The following PIGL variants were observed in gnomAD, a reference collection of about 807,000 sequenced individuals.
PIGL encodes the protein N-acetylglucosaminyl-phosphatidylinositol de-N-acetylase.
PIGL carries 22 observed loss-of-function variants against 31.1 expected under a neutral mutation model. That is an observed-to-expected ratio of 0.71 (90% CI 0.51 to 1.01). The LOEUF is 1.01. Ranked by LOEUF, PIGL falls within the 50% of genes least tolerant of loss-of-function variation. PIGL has a pLI of 0.00. For missense variants in PIGL, 302 were observed against 315.9 expected (o/e 0.96, Z 0.33); for synonymous variants, 131 against 117.4 (o/e 1.12, Z -0.75).
At chr17:16,224,799 G>C (rs2092644843) in intron 1 of PIGL, among the ~76,000 whole-genome samples, 1 of 152,068 alleles carries the variant, frequency 6.6e-6, no homozygotes. Flanking sequence ...TGGGACTACG[G>C]GCATGTGCCA....
chr17:16,273,256 T>G (rs952256448), intron 2 of PIGL, among the ~76,000 whole-genome samples: 12 of 152,204 alleles, frequency 7.9e-5, no homozygotes, highest in African/African-American at 2.9e-4. Context: ...GCCTGTGATC[T>G]GAGCTTTAAG....
chr17:16,256,801 C>G (rs1331981899), intron 2 of PIGL, among the ~76,000 whole-genome samples: 3 of 151,970 alleles, frequency 2.0e-5, no homozygotes, highest in Admixed American at 1.3e-4. Context: ...CTCAAGTGAT[C>G]CTCAGCCTCC....
At chr17:16,323,800 G>A (rs1027463506) in intron 6 of PIGL, among the ~76,000 whole-genome samples, 1 of 150,870 alleles carries the variant, frequency 6.6e-6, no homozygotes, top group Non-Finnish European at 1.5e-5. Context: ...TGTATTTTCA[G>A]TAGAGATGGG....
chr17:16,278,940 G>A (rs1039464264), intron 2 of PIGL, among the ~76,000 whole-genome samples: 12 of 152,170 alleles, frequency 7.9e-5, no homozygotes, highest in African/African-American at 1.4e-4. Context: ...CAGACAGGCA[G>A]AATAATATTC....
chr17:16,325,527 C>T (rs2093124010), intron 6 of PIGL, among the ~76,000 whole-genome samples: 1 of 152,058 alleles, frequency 6.6e-6, no homozygotes. Flanking sequence ...TGCATGTGGA[C>T]TGTTCTGCCA....
intron 3 of PIGL, among the ~76,000 whole-genome samples, chr17:16,304,981 GT>G (rs1230974347): frequency 5.3e-5 from 8 of 152,026 alleles, no homozygotes; most frequent in African/African-American, 1.9e-4. Flanking sequence ...CCCCTCCTCA[GT>G]TGTCACAATC....
chr17:16,257,659 TC>T (rs34698708), intron 2 of PIGL, among the ~76,000 whole-genome samples: 81,831 of 150,924 alleles, frequency 0.54, 22,960 homozygotes, highest in African/African-American at 0.67. Flanking sequence ...GTTTTTTTTT[TC>T]CTTTCTTAAT....
Position 16,325,738 on chromosome 17 carries a change from T to C in PIGL, c.661-62T>C, listed in dbSNP as rs1033820637. 43 of 1,241,626 alleles carry C rather than the reference T, an allele frequency of 3.5e-5. No individual in the cohort carries two copies. In the African/African-American group the frequency reaches 5.2e-4, roughly 15 times the overall value. 76.9% of individuals were successfully genotyped at this position (1,241,626 alleles called of 1,614,324 possible). The stretch of plus-strand genomic sequence containing the variant: ...GGATTTAAGGTGCGGAGGCCAGATC[T>C]GAAAGTAATGAAACAACTCCAGTGC... On this transcript the variant is annotated intron_variant, in intron 6 of 6. Transcript: ENST00000225609.
chr17:16,234,760 G>A (rs933221354), intron 2 of PIGL, among the ~76,000 whole-genome samples: 2 of 152,152 alleles, frequency 1.3e-5, no homozygotes, highest in Non-Finnish European at 2.9e-5. Flanking sequence ...GCAAGACTCC[G>A]TCTCAAAAAT....
In PIGL at chr17:16,317,432, G is replaced by T. The variant is rs1396797525; in HGVS notation, c.527-343G>T. 8.7e-6 allele frequency: 9 copies of T among 1,030,734 alleles called. No individual in the cohort carries two copies. In the East Asian group the frequency reaches 6.7e-4, roughly 77 times the overall value. The allele number at this position is 1,030,734 out of a possible 1,614,324, so 63.8% of individuals were successfully genotyped here. A position where few individuals can be genotyped will look rare whatever the true frequency, so the allele number is the denominator to read the frequency against. On this transcript the variant is annotated intron_variant, in intron 5 of 6. Coordinates refer to ENST00000225609, the MANE Select transcript of PIGL (RefSeq NM_004278.4). ...CAAGTCTGTCAATTCTTGACTGACAGAGCTGGAACCAGGTCTCTAAACTCC... is the reference window on the plus strand; with the variant it reads ...CAAGTCTGTCAATTCTTGACTGACATAGCTGGAACCAGGTCTCTAAACTCC...
chr17:16,240,285 T>C (rs1461901012), intron 2 of PIGL, among the ~76,000 whole-genome samples: 1 of 152,122 alleles, frequency 6.6e-6, no homozygotes. Flanking sequence ...TATGCTTCCT[T>C]TATAGCCTGC....
intron 3 of PIGL, among the ~76,000 whole-genome samples, chr17:16,302,594 T>G (rs1027754854): frequency 1.3e-5 from 2 of 152,048 alleles, no homozygotes; most frequent in Non-Finnish European, 2.9e-5. Flanking sequence ...ACTCTTATCT[T>G]TTTTTCTTTT....
chr17:16,322,781 T>C lies in PIGL; in HGVS notation c.661-3019T>C, dbSNP rs907702793. 2.0e-5 allele frequency among the ~76,000 whole-genome samples: 3 copies of C among 152,226 alleles called. No homozygotes were observed. The East Asian group carries it at 5.8e-4, about 29-fold the overall frequency. On this transcript the variant is annotated intron_variant, in intron 6 of 6. Transcript: ENST00000225609. ...AGTCACTGGATGCACATATGCATGT[T>C]CCCAGCTGTTTCAGCTCTCCTACTG...
At chr17:16,304,839 T>C (rs1047029481) in intron 3 of PIGL, among the ~76,000 whole-genome samples, 1 of 152,264 alleles carries the variant, frequency 6.6e-6, no homozygotes, top group African/African-American at 2.4e-5. Flanking sequence ...CCTGCTCCCA[T>C]AGAGCAGGAT....
In PIGL at chr17:16,289,311, G is replaced by T. The variant is rs1251777456; in HGVS notation, c.336-10577G>T. Among the ~76,000 whole-genome samples the T allele has an allele frequency of 2.0e-5, 3 of 152,318 alleles. No individual in the cohort carries two copies. The East Asian group carries it at 5.8e-4, about 29-fold the overall frequency. ...AGGAGAGCAGTATGTCAACAAAGGA[G>T]GATTCAGCAACTGCCTGATGCAATC... On this transcript the variant is annotated intron_variant, in intron 2 of 6. Transcript: ENST00000225609.
intron 1 of PIGL, among the ~76,000 whole-genome samples, chr17:16,223,819 TCTC>T (rs1318249738): frequency 6.6e-6 from 1 of 152,110 alleles, no homozygotes; most frequent in Non-Finnish European, 1.5e-5. Flanking sequence ...CAGCCTTTCT[TCTC>T]TAGACTGCAC....
chr17:16,318,356 C>T (rs1469576199), intron 6 of PIGL, among the ~76,000 whole-genome samples: 2 of 151,598 alleles, frequency 1.3e-5, no homozygotes, highest in African/African-American at 2.4e-5. Flanking sequence ...CTGCAACCTC[C>T]GCCTCCTGGG....
At chr17:16,315,760 G>A (rs192167382) in intron 4 of PIGL, among the ~76,000 whole-genome samples, 26 of 114,744 alleles carry the variant, frequency 2.3e-4, no homozygotes, top group Middle Eastern at 0.02. Context: ...CTGTCACCCA[G>A]GCTGGTGTGC....
chr17:16,246,132 A>G (rs533775895), intron 2 of PIGL, among the ~76,000 whole-genome samples: 2 of 151,512 alleles, frequency 1.3e-5, no homozygotes, highest in South Asian at 2.1e-4. Flanking sequence ...CATGGCACCT[A>G]TATTTTTTAT....
Sources: gnomAD v4.1 joint callset for allele counts (sites outside exome capture counted in the v4.1 genomes callset) on GRCh38, gnomAD v4.1.1 for gene constraint, MANE v1.5 for transcripts, NCBI Gene and HGNC (gene_info 2026-07-23, HGNC 2026-07-21) for gene names.